The following HMGB1 variants were observed in gnomAD, a reference collection of about 807,000 sequenced individuals.
HMGB1 encodes high mobility group protein B1.
For synonymous variants in HMGB1, 81 were observed against 84.0 expected (o/e 0.96, Z 0.19); for missense variants, 79 against 253.5 (o/e 0.31, Z 4.67).
intron 1 of HMGB1, among the ~76,000 whole-genome samples, chr13:30,604,095 T>C (rs1950430153): frequency 6.6e-6 from 1 of 151,366 alleles, no homozygotes; most frequent in Admixed American, 6.6e-5. Flanking sequence ...TGCATCCATC[T>C]AGTGGAAACG....
Position 30,460,525 on chromosome 13 carries a change from TAG to T in HMGB1, c.*830_*831del, listed in dbSNP as rs1171373336. ...TTACATGGTAATGGGAGTTAAAGAATAGAGTCCTCATGTAAAGGTTAGAACAT... is the reference window on the plus strand; with the variant it reads ...TTACATGGTAATGGGAGTTAAAGAATAGTCCTCATGTAAAGGTTAGAACAT... On this transcript the variant is annotated 3_prime_UTR_variant, in exon 5 of 5. Coordinates refer to ENST00000341423, the MANE Select transcript of HMGB1 (RefSeq NM_002128.7). 3 of 152,182 alleles carry T rather than the reference TAG, an allele frequency of 2.0e-5. No individual in the cohort carries two copies. The highest frequency in any genetic ancestry group is 7.3e-5 in the African/African-American group (3 of 41,300). 9.4% of individuals were successfully genotyped at this position (152,182 alleles called of 1,614,324 possible). A position where few individuals can be genotyped will look rare whatever the true frequency, so the allele number is the denominator to read the frequency against.
intron 1 of HMGB1, among the ~76,000 whole-genome samples, chr13:30,604,286 ATCTGATACACTGG>A (rs1333703768): frequency 6.6e-6 from 1 of 152,216 alleles, no homozygotes; most frequent in Non-Finnish European, 1.5e-5. Flanking sequence ...TCATGTTTTG[ATCTGATACACTGG>A]TTGCTAGATG....
intron 1 of HMGB1, among the ~76,000 whole-genome samples, chr13:30,608,599 C>G (rs1950482950): frequency 1.3e-5 from 2 of 152,170 alleles, no homozygotes; most frequent in African/African-American, 4.8e-5. Context: ...CCAACTTCCT[C>G]TCTTCTTTCC....
chr13:30,603,989 T>C lies in HMGB1; in HGVS notation c.-15+12682A>G, dbSNP rs568391319. 3.8e-4 allele frequency among the ~76,000 whole-genome samples: 58 copies of C among 152,328 alleles called. No individual in the cohort carries two copies. In the South Asian group the frequency reaches 9.1e-3, roughly 24 times the overall value. On this transcript the variant is annotated intron_variant, in intron 1 of 4. Transcript: ENST00000405805. The stretch of plus-strand genomic sequence containing the variant: ...ATACCAAGGAACGACTGTATGCATT[T>C]TGACAATTATACTTCTCATCTTACC...
chr13:30,537,222 G>C (rs535917355), intron 1 of HMGB1, among the ~76,000 whole-genome samples: 1 of 151,850 alleles, frequency 6.6e-6, no homozygotes, highest in Non-Finnish European at 1.5e-5. Flanking sequence ...ATTCTGTCTT[G>C]ATCCTTTTAT....
chr13:30,505,815 G>A (rs557659811), intron 1 of HMGB1, among the ~76,000 whole-genome samples: 5 of 152,132 alleles, frequency 3.3e-5, no homozygotes, highest in African/African-American at 1.2e-4. Flanking sequence ...ATGCTTTTTG[G>A]ATCCCCCCTT....
At chr13:30,471,177 G>C (rs1306208627) in intron 1 of HMGB1, among the ~76,000 whole-genome samples, 3 of 151,514 alleles carry the variant, frequency 2.0e-5, no homozygotes, top group Admixed American at 2.0e-4. Flanking sequence ...TCATTATATT[G>C]GACAGGCCGG....
intron 1 of HMGB1, among the ~76,000 whole-genome samples, chr13:30,530,476 A>G (rs769542487): frequency 6.6e-6 from 1 of 152,220 alleles, no homozygotes; most frequent in African/African-American, 2.4e-5. Context: ...GTGCAACATG[A>G]TAACAATTAT....
rs549444992 is a variant in HMGB1 at position 30,461,820 on chromosome 13, C to A, written c.472-287G>T. 3 of 553,566 alleles carry A rather than the reference C, an allele frequency of 5.4e-6. No homozygotes were observed. The East Asian group carries it at 1.4e-4, about 25-fold the overall frequency. The allele number at this position is 553,566 out of a possible 1,614,324, so 34.3% of individuals were successfully genotyped here. A position where few individuals can be genotyped will look rare whatever the true frequency, so the allele number is the denominator to read the frequency against. On this transcript the variant is annotated intron_variant, in intron 4 of 4. Coordinates refer to ENST00000341423, the MANE Select transcript of HMGB1 (RefSeq NM_002128.7). ...GTACCACATCCTAACTCTATTAAAA[C>A]CAGAATGTAGAGACTTTGATTAAAG...
intron 1 of HMGB1, among the ~76,000 whole-genome samples, chr13:30,604,805 G>A (rs1007632875): frequency 5.3e-5 from 8 of 152,144 alleles, no homozygotes; most frequent in East Asian, 1.9e-4. Context: ...CTACGGGCGC[G>A]TGCCACCACA....
intron 1 of HMGB1, chr13:30,464,838 C>A: frequency 6.6e-6 from 1 of 150,646 alleles, no homozygotes; most frequent in Non-Finnish European, 1.4e-5. Flanking sequence ...CGGCGGCGGG[C>A]GGGGTGCGAG....
intron 4 of HMGB1, 22 bp downstream of exon 4, chr13:30,462,516 C>G: frequency 6.3e-7 from 1 of 1,597,686 alleles, no homozygotes; most frequent in Non-Finnish European, 8.6e-7. Context: ...ATCATTTTAC[C>G]AAGCAAACCC....
chr13:30,518,369 CT>C, intron 1 of HMGB1, among the ~76,000 whole-genome samples: 1 of 152,258 alleles, frequency 6.6e-6, no homozygotes, highest in Non-Finnish European at 1.5e-5. Context: ...ATCCAGCTGT[CT>C]TTTCCTATTT....
chr13:30,482,744 TAAAAA>T (rs1228365479), intron 1 of HMGB1, among the ~76,000 whole-genome samples: 1 of 151,256 alleles, frequency 6.6e-6, no homozygotes, highest in African/African-American at 2.4e-5. Flanking sequence ...TTGCGGGAAA[TAAAAA>T]AAATAAAATA....
intron 1 of HMGB1, among the ~76,000 whole-genome samples, chr13:30,479,548 T>C (rs1887180373): frequency 6.6e-6 from 1 of 152,240 alleles, no homozygotes; most frequent in South Asian, 2.1e-4. Context: ...AGTTTTTGAA[T>C]TCTTTTTTTC....
intron 1 of HMGB1, among the ~76,000 whole-genome samples, chr13:30,529,254 A>G (rs537795661): frequency 6.6e-6 from 1 of 152,224 alleles, no homozygotes; most frequent in Admixed American, 6.5e-5. Context: ...CTTTAGGGAC[A>G]TTACCTGCTC....
chr13:30,495,511 CTCTG>C (rs1400837978), intron 1 of HMGB1, among the ~76,000 whole-genome samples: 1 of 148,240 alleles, frequency 6.7e-6, no homozygotes, highest in African/African-American at 2.5e-5. Flanking sequence ...CGGAGTCTCG[CTCTG>C]TCGCCCAGGC....
At chr13:30,589,560 A>C (rs1002200982) in intron 1 of HMGB1, among the ~76,000 whole-genome samples, 11 of 152,228 alleles carry the variant, frequency 7.2e-5, no homozygotes, top group African/African-American at 2.7e-4. Flanking sequence ...AGTGTCAATA[A>C]TAAAGGCATA....
At chr13:30,490,026 CAA>C (rs780306690) in intron 1 of HMGB1, among the ~76,000 whole-genome samples, 1,162 of 65,564 alleles carry the variant, frequency 0.018, 13 homozygotes, top group African/African-American at 0.067. Context: ...GCGCTGGTCT[CAA>C]AAAAAAAAAA....
Sources: allele counts gnomAD v4.1 joint callset (sites outside exome capture counted in the v4.1 genomes callset), GRCh38; gene constraint gnomAD v4.1.1; transcripts MANE v1.5; gene names NCBI Gene and HGNC (gene_info 2026-07-23, HGNC 2026-07-21).